The following ANKRD24 variants were observed in gnomAD, a reference collection of about 807,000 sequenced individuals.
ANKRD24 encodes the protein ankyrin repeat domain 24.
In ANKRD24, 109 loss-of-function variants were observed where a neutral mutation model predicts 127.8. The ratio of observed to expected loss-of-function variants is 0.85; its 90% CI spans 0.73 to 1.00. The LOEUF (loss-of-function observed/expected upper bound fraction) is 1.00, where lower values mean the gene tolerates loss of function less well. ANKRD24 is among the 50% of genes least tolerant of loss of function. The pLI is 0.00. For synonymous variants in ANKRD24, 743 were observed against 671.1 expected, an observed-to-expected ratio of 1.11 and a Z score of -1.66; for missense variants, 1,648 against 1,570.2, an observed-to-expected ratio of 1.05 and a Z score of -0.84.
intron 19 of ANKRD24, among the ~76,000 whole-genome samples, chr19:4,220,903 C>CT (rs141815750): frequency 0.1 from 13,777 of 135,072 alleles, 1,998 homozygotes; most frequent in African/African-American, 0.33. Context: ...AGCCAGAAAG[C>CT]TTTTTTTTTT....
At chr19:4,192,810 G>A (rs1015138109) in intron 2 of ANKRD24, among the ~76,000 whole-genome samples, 1 of 151,610 alleles carries the variant, frequency 6.6e-6, no homozygotes, top group African/African-American at 2.4e-5. Context: ...GTGTGTGCCT[G>A]TGGTCTCCAG....
intron 7 of ANKRD24, 135 bp from the exon 8 acceptor site, chr19:4,207,107 G>C: frequency 5.1e-6 from 2 of 394,680 alleles, no homozygotes; most frequent in Non-Finnish European, 8.8e-6. Context: ...TTTTTTTGTA[G>C]AGACAGGGTC....
At chr19:4,194,579 A>G (rs1968591854) in intron 2 of ANKRD24, among the ~76,000 whole-genome samples, 1 of 152,156 alleles carries the variant, frequency 6.6e-6, no homozygotes, top group Admixed American at 6.5e-5. Context: ...AGTGGGCAGG[A>G]TCTGGGCTGC....
At chr19:4,211,164 T>G (rs779582151) in intron 13 of ANKRD24, among the ~76,000 whole-genome samples, 1 of 152,172 alleles carries the variant, frequency 6.6e-6, no homozygotes, top group Non-Finnish European at 1.5e-5. Flanking sequence ...CTTGCTGCTA[T>G]TGGGCATGCA....
Position 4,219,772 on chromosome 19 carries a change from C to T in ANKRD24, c.3171+14C>T, listed in dbSNP as rs769916452. The T allele has an allele frequency of 6.3e-7, 1 of 1,587,584 alleles. No homozygotes were observed. The highest frequency in any genetic ancestry group is 1.1e-5 in the South Asian group (1 of 88,846). ...AAGGACAAGAAGGTGGGTGCCCCCTCTCCCACACTCAGTCAGGGAGGCATC... is the reference window on the plus strand; with the variant it reads ...AAGGACAAGAAGGTGGGTGCCCCCTTTCCCACACTCAGTCAGGGAGGCATC... On this transcript the variant is annotated intron_variant, in intron 19 of 21. Coordinates refer to ENST00000318934, the MANE Select transcript of ANKRD24 (RefSeq NM_001393985.1).
chr19:4,224,056 G>A, intron 20 of ANKRD24, 71 bp from the exon 21 acceptor site: 1 of 1,298,364 alleles, frequency 7.7e-7, no homozygotes, highest in Non-Finnish European at 1.1e-6. Context: ...TGCAAAGGGT[G>A]CTTTTTGGTG....
chr19:4,218,247 T>G (rs1772139455), intron 18 of ANKRD24, 84 bp downstream of exon 18: 1 of 1,252,388 alleles, frequency 8.0e-7, no homozygotes, highest in Admixed American at 4.1e-5. Flanking sequence ...TGAGGTGTTT[T>G]GAACCCATCA....
chr19:4,183,158 T>G (rs3760907), intron 1 of ANKRD24, among the ~76,000 whole-genome samples: 17,117 of 152,034 alleles, frequency 0.11, 1,447 homozygotes, highest in East Asian at 0.34. Flanking sequence ...TTTGTATTTT[T>G]TAGTAGAGAC....
intron 10 of ANKRD24, 86 bp downstream of exon 10, chr19:4,208,054 T>C (rs1463328855): frequency 1.5e-6 from 2 of 1,327,924 alleles, no homozygotes; most frequent in African/African-American, 1.5e-5. Flanking sequence ...AGTTTCAAGG[T>C]ACCCCCGATT....
At chr19:4,206,883 C>T (rs1005175478) in intron 7 of ANKRD24, among the ~76,000 whole-genome samples, 2 of 152,158 alleles carry the variant, frequency 1.3e-5, no homozygotes, top group Non-Finnish European at 2.9e-5. Context: ...TACCCCTACT[C>T]TTCCCCCTTT....
chr19:4,217,707 G>T lies in ANKRD24; in HGVS notation c.2547G>T (p.Glu849Asp). Residue 849 changes from glutamate (E) to aspartate (D), a missense_variant, in exon 18 of 22, where the codon GAG becomes GAT. Transcript: ENST00000318934. ...AGGCGCGGCTGGAGCAGAGCCGGGA[G>T]CTGGAGGTTCTGCGGGAGCAGCTGG... ...REEARLEQSR[E>D]LEVLREQLAT... 1 of 1,293,156 alleles carries T rather than the reference G, an allele frequency of 7.7e-7. No homozygotes were observed. The highest frequency in any genetic ancestry group is 3.0e-4 in the Middle Eastern group (1 of 3,368). The allele number at this position is 1,293,156 out of a possible 1,614,324, so 80.1% of individuals were successfully genotyped here. A position where few individuals can be genotyped will look rare whatever the true frequency, so the allele number is the denominator to read the frequency against.
In ANKRD24 at chr19:4,209,480, C is replaced by T. The variant is rs139055265; in HGVS notation, c.871-578C>T. On this transcript the variant is annotated intron_variant, in intron 11 of 21. Coordinates refer to ENST00000318934, the MANE Select transcript of ANKRD24 (RefSeq NM_001393985.1). ...GTTTATTTTTTGAGAGATGGAGTCT[C>T]GCCCTGTCACCCAGGCTGGAGTGCA... 2.7e-3 allele frequency among the ~76,000 whole-genome samples: 408 copies of T among 151,226 alleles called. 1 individual carries two copies. Among genetic ancestry groups the T allele is most frequent in the African/African-American group, 7.2e-3 (296 of 41,168 alleles).
rs1201610341 is a variant in ANKRD24 at position 4,216,730 on chromosome 19, G to A, written c.1570G>A (p.Ala524Thr). 6.3e-7 allele frequency: 1 copy of A among 1,577,202 alleles called. No homozygotes were observed. ...ACGAGAGGTCCCCAGAGAAGAGGGG[G>A]CAGCCTGTGGGGAGAGTGAGGTTGC... ...ETREVPREEG[A>T]ACGESEVAGA... is the part of the protein sequence containing the mutation. The change falls in exon 18 of 22, where the codon GCA (alanine) becomes ACA (threonine). Residue 524 changes from alanine (A) to threonine (T), a missense_variant. Physicochemically the swap from Ala to Thr is moderately conservative, Grantham distance 58. Coordinates refer to ENST00000318934, the MANE Select transcript of ANKRD24 (RefSeq NM_001393985.1).
chr19:4,220,798 G>T (rs937339673), intron 19 of ANKRD24, among the ~76,000 whole-genome samples: 4 of 151,874 alleles, frequency 2.6e-5, no homozygotes, highest in Non-Finnish European at 5.9e-5. Flanking sequence ...CTCGTGATCC[G>T]CCTGCCTCGG....
chr19:4,211,903 T>A (rs965726773), intron 13 of ANKRD24, among the ~76,000 whole-genome samples: 1 of 151,768 alleles, frequency 6.6e-6, no homozygotes, highest in Non-Finnish European at 1.5e-5. Flanking sequence ...AGTAGGCACC[T>A]AATAAATAGG....
chr19:4,184,398 C>A (rs1967933320), intron 1 of ANKRD24, among the ~76,000 whole-genome samples: 1 of 152,180 alleles, frequency 6.6e-6, no homozygotes, highest in African/African-American at 2.4e-5. Flanking sequence ...AGAAAGAAGC[C>A]GTGCTGAGTC....
chr19:4,193,497 CAAG>C (rs56116604), intron 2 of ANKRD24, among the ~76,000 whole-genome samples: 65,814 of 150,718 alleles, frequency 0.44, 14,831 homozygotes, highest in Middle Eastern at 0.57. Context: ...GTTTGAAGGA[CAAG>C]AAGGAGGCTA....
intron 13 of ANKRD24, among the ~76,000 whole-genome samples, chr19:4,212,023 AC>A (rs1381471976): frequency 6.6e-6 from 1 of 151,818 alleles, no homozygotes; most frequent in African/African-American, 2.4e-5. Context: ...ACACCGTGAA[AC>A]CCCGTCTCTA....
At chr19:4,213,249 CCTTT>C (rs1386241255) in intron 15 of ANKRD24, among the ~76,000 whole-genome samples, 1 of 92,644 alleles carries the variant, frequency 1.1e-5, no homozygotes, top group Admixed American at 1.2e-4. Flanking sequence ...CTCCTTCCTT[CCTTT>C]CCTTCTTTCC....
Sources: gnomAD v4.1 joint callset for allele counts (sites outside exome capture counted in the v4.1 genomes callset) on GRCh38, gnomAD v4.1.1 for gene constraint, MANE v1.5 for transcripts, NCBI Gene and HGNC (gene_info 2026-07-23, HGNC 2026-07-21) for gene names.